The following IMMP2L variants were observed in gnomAD, a reference collection of about 807,000 sequenced individuals.
IMMP2L encodes mitochondrial inner membrane protease subunit 2.
In IMMP2L, 18 loss-of-function variants were observed where a neutral mutation model predicts 19.3. That is an observed-to-expected ratio of 0.93 (90% confidence interval 0.64 to 1.38). The LOEUF is 1.38. IMMP2L is among the 40% of genes most tolerant of loss of function. The pLI is 0.00. For synonymous variants in IMMP2L, 76 were observed against 73.0 expected (o/e 1.04, Z -0.21); for missense variants, 233 against 218.2 (o/e 1.07, Z -0.43).
chr7:110,783,040 G>T (rs1232305137), intron 5 of IMMP2L, among the ~76,000 whole-genome samples: 1 of 151,850 alleles, frequency 6.6e-6, no homozygotes, highest in Non-Finnish European at 1.5e-5. Flanking sequence ...GATATGAGCT[G>T]GAAATGTGCG....
At chr7:110,810,196 A>G (rs1260244209) in intron 5 of IMMP2L, among the ~76,000 whole-genome samples, 1 of 152,106 alleles carries the variant, frequency 6.6e-6, no homozygotes, top group Non-Finnish European at 1.5e-5. Context: ...TTGGTGAAAC[A>G]GTACAATGGC....
chr7:111,386,711 G>A (rs909647296), intron 3 of IMMP2L, among the ~76,000 whole-genome samples: 11 of 152,224 alleles, frequency 7.2e-5, no homozygotes, highest in South Asian at 2.1e-4. Context: ...TTCCCTGTGC[G>A]ATCATAATCA....
intron 3 of IMMP2L, among the ~76,000 whole-genome samples, chr7:110,964,918 G>A (rs148416357): frequency 1.6e-4 from 25 of 152,136 alleles, no homozygotes; most frequent in African/African-American, 6.0e-4. Flanking sequence ...TTCAAAGCAC[G>A]TACTTAGTCA....
chr7:110,821,496 A>G (rs903719196), intron 5 of IMMP2L, among the ~76,000 whole-genome samples: 4 of 152,094 alleles, frequency 2.6e-5, no homozygotes, highest in African/African-American at 9.7e-5. Context: ...CCTTAAAACA[A>G]CTCTCTGAAG....
At chr7:111,366,089 G>A (rs1829733442) in intron 3 of IMMP2L, among the ~76,000 whole-genome samples, 1 of 152,006 alleles carries the variant, frequency 6.6e-6, no homozygotes, top group African/African-American at 2.4e-5. Flanking sequence ...AAATCAAGAA[G>A]AGAAATTTAC....
At position 111,000,846 on chromosome 7, in the gene IMMP2L, T is replaced by TAA. The variant is rs34284744; in HGVS notation, c.240-37283_240-37282dup. On this transcript the variant is annotated intron_variant, in intron 3 of 5. Transcript: ENST00000405709. ...GCAACAGAGCCAGACTCCTCTGTCT[T>TAA]AAAAAAAAAAAAAAACAGATGGATG... Among the ~76,000 whole-genome samples the TAA allele has an allele frequency of 5.8e-4, 84 of 144,022 alleles. 2 individuals carry two copies. Among genetic ancestry groups the TAA allele is most frequent in the Middle Eastern group, 3.6e-3 (1 of 278 alleles). The allele number at this position is 144,022 out of a possible 152,430, so 94.5% of individuals were successfully genotyped here. A position where few individuals can be genotyped will look rare whatever the true frequency, so the allele number is the denominator to read the frequency against.
At chr7:111,253,799 C>T (rs1258461435) in intron 3 of IMMP2L, among the ~76,000 whole-genome samples, 2 of 152,034 alleles carry the variant, frequency 1.3e-5, no homozygotes, top group Non-Finnish European at 2.9e-5. Flanking sequence ...CAAACGCCTA[C>T]AAAAAGCCAG....
chr7:110,724,566 T>C (rs1562938906), intron 5 of IMMP2L: 1 of 152,118 alleles, frequency 6.6e-6, no homozygotes, highest in Non-Finnish European at 1.5e-5. Flanking sequence ...CTCTGAGGAA[T>C]GTTGCAGGTG....
chr7:111,042,208 C>G (rs555907174), intron 3 of IMMP2L, among the ~76,000 whole-genome samples: 25 of 152,152 alleles, frequency 1.6e-4, no homozygotes, highest in Non-Finnish European at 3.4e-4. Flanking sequence ...GAGACTGAGT[C>G]TCGCTCCATG....
chr7:111,098,060 T>A (rs1045076805), intron 3 of IMMP2L, among the ~76,000 whole-genome samples: 1 of 151,794 alleles, frequency 6.6e-6, no homozygotes, highest in Non-Finnish European at 1.5e-5. Context: ...GTGACTGCCA[T>A]ATATGAAAGA....
At chr7:111,249,830 C>A (rs947640747) in intron 3 of IMMP2L, among the ~76,000 whole-genome samples, 3 of 152,138 alleles carry the variant, frequency 2.0e-5, no homozygotes, top group Non-Finnish European at 2.9e-5. Flanking sequence ...AAGTTAGAAG[C>A]ATTTCCTTTG....
intron 5 of IMMP2L, among the ~76,000 whole-genome samples, chr7:110,674,172 A>C (rs2130370006): frequency 6.6e-6 from 1 of 152,334 alleles, no homozygotes; most frequent in Non-Finnish European, 1.5e-5. Flanking sequence ...GTCCTTCTCC[A>C]CATGGCAGCA....
chr7:111,033,239 T>C (rs888511030), intron 3 of IMMP2L, among the ~76,000 whole-genome samples: 9 of 152,230 alleles, frequency 5.9e-5, no homozygotes, highest in African/African-American at 2.2e-4. Flanking sequence ...CAATATCATA[T>C]GTCATTTGAT....
intron 3 of IMMP2L, among the ~76,000 whole-genome samples, chr7:111,142,177 T>G (rs1041872631): frequency 6.6e-6 from 1 of 151,872 alleles, no homozygotes; most frequent in Non-Finnish European, 1.5e-5. Context: ...AACACAAAAA[T>G]TAGCTGGGTG....
intron 3 of IMMP2L, among the ~76,000 whole-genome samples, chr7:111,026,951 A>T (rs1826897242): frequency 6.6e-6 from 1 of 152,082 alleles, no homozygotes; most frequent in South Asian, 2.1e-4. Context: ...CGTAAATAAA[A>T]CCAGATACAC....
intron 2 of IMMP2L, among the ~76,000 whole-genome samples, chr7:111,507,717 C>G (rs993986242): frequency 6.6e-6 from 1 of 152,074 alleles, no homozygotes; most frequent in Non-Finnish European, 1.5e-5. Flanking sequence ...ACAAACCACT[C>G]CAAAACTATA....
At chr7:110,970,252 C>A (rs1820006905) in intron 3 of IMMP2L, among the ~76,000 whole-genome samples, 1 of 152,076 alleles carries the variant, frequency 6.6e-6, no homozygotes, top group African/African-American at 2.4e-5. Context: ...TTAGTATAAT[C>A]ATAACAATAA....
At chr7:110,918,440 TTTTC>T (rs1364923454) in intron 4 of IMMP2L, among the ~76,000 whole-genome samples, 1 of 145,086 alleles carries the variant, frequency 6.9e-6, no homozygotes, top group Non-Finnish European at 1.5e-5. Context: ...TAGGAATTTC[TTTTC>T]TTTTTTTCTT....
chr7:111,238,220 G>A (rs184056857), intron 3 of IMMP2L, among the ~76,000 whole-genome samples: 1 of 152,056 alleles, frequency 6.6e-6, no homozygotes, highest in South Asian at 2.1e-4. Flanking sequence ...GTACCATAAG[G>A]AAGAAGACAG....
Sources: allele counts gnomAD v4.1 joint callset (sites outside exome capture counted in the v4.1 genomes callset), GRCh38; gene constraint gnomAD v4.1.1; transcripts MANE v1.5; gene names NCBI Gene and HGNC (gene_info 2026-07-23, HGNC 2026-07-21).